ZMAT3: variants seen among roughly 807,000 people sequenced by gnomAD.
ZMAT3 encodes zinc finger matrin-type 3.
In ZMAT3, 17 loss-of-function variants were observed where a neutral mutation model predicts 32.3. The ratio of observed to expected loss-of-function variants is 0.53; its 90% CI spans 0.36 to 0.79. The LOEUF (loss-of-function observed/expected upper bound fraction) is 0.79, where lower values mean the gene tolerates loss of function less well. ZMAT3 is among the 30% of genes least tolerant of loss of function. The pLI, the probability that ZMAT3 is intolerant of heterozygous loss-of-function variation, is 0.00. For missense variants in ZMAT3, 329 were observed against 359.7 expected, an observed-to-expected ratio of 0.91 and a Z score of 0.69; for synonymous variants, 120 against 133.1, an observed-to-expected ratio of 0.90 and a Z score of 0.68.
At chr3:179,070,088 T>C (rs1299859202) in intron 1 of ZMAT3, among the ~76,000 whole-genome samples, 1 of 151,652 alleles carries the variant, frequency 6.6e-6, no homozygotes, top group Non-Finnish European at 1.5e-5. Context: ...GCCACAAACA[T>C]TCTGCTAGTT....
chr3:179,030,784 C>A, intron 3 of ZMAT3, 96 bp downstream of exon 3: 1 of 1,504,218 alleles, frequency 6.6e-7, no homozygotes, highest in Non-Finnish European at 8.9e-7. Flanking sequence ...CAACTGTACC[C>A]TAATGGACAC....
Position 179,019,467 on chromosome 3 carries a change from G to A in ZMAT3, c.*5550C>T, listed in dbSNP as rs150345279. ...TCTGATGGATCGATGGATGAAAAGA[G>A]GGATAGAGAATATGAACAGATACAT... On this transcript the variant is annotated 3_prime_UTR_variant, in exon 6 of 6. Transcript: ENST00000311417. The A allele has an allele frequency of 7.2e-5, 11 of 152,196 alleles. No homozygotes were observed. Among genetic ancestry groups the A allele is most frequent in the African/African-American group, 2.6e-4 (11 of 41,540 alleles). The allele number at this position is 152,196 out of a possible 1,614,324, so 9.4% of individuals were successfully genotyped here. A position where few individuals can be genotyped will look rare whatever the true frequency, so the allele number is the denominator to read the frequency against.
chr3:179,071,158 G>T (rs1721691163), intron 1 of ZMAT3, among the ~76,000 whole-genome samples: 1 of 152,226 alleles, frequency 6.6e-6, no homozygotes. Context: ...GAAAACTGGG[G>T]AAGAGGCCTT....
chr3:179,049,310 T>C (rs4637331), intron 2 of ZMAT3, among the ~76,000 whole-genome samples: 125,032 of 152,216 alleles, frequency 0.82, 51,880 homozygotes, highest in East Asian at 0.94. Context: ...TACGTTACAA[T>C]AAATGCACTT....
chr3:179,032,585 T>C (rs1239403320), intron 2 of ZMAT3, among the ~76,000 whole-genome samples: 6 of 146,700 alleles, frequency 4.1e-5, no homozygotes, highest in Admixed American at 6.8e-5. Flanking sequence ...ACCCATCGTC[T>C]GGGATGTGGG....
At chr3:179,034,962 C>A (rs1030539895) in intron 2 of ZMAT3, among the ~76,000 whole-genome samples, 3 of 152,190 alleles carry the variant, frequency 2.0e-5, no homozygotes, top group African/African-American at 7.2e-5. Context: ...TAACAGTGGT[C>A]ATTTGCAGTA....
chr3:179,033,757 T>C (rs1282428211), intron 2 of ZMAT3, among the ~76,000 whole-genome samples: 3 of 152,222 alleles, frequency 2.0e-5, no homozygotes, highest in African/African-American at 7.2e-5. Context: ...GGATGTTCAT[T>C]GCATTTATTC....
intron 2 of ZMAT3, among the ~76,000 whole-genome samples, chr3:179,045,217 C>A (rs1720165543): frequency 6.6e-6 from 1 of 152,052 alleles, no homozygotes; most frequent in Non-Finnish European, 1.5e-5. Context: ...AGTGCAGTGT[C>A]ATAGAAGTCT....
chr3:179,063,528 G>A (rs995626002), intron 2 of ZMAT3, among the ~76,000 whole-genome samples: 1 of 152,192 alleles, frequency 6.6e-6, no homozygotes, highest in Non-Finnish European at 1.5e-5. Context: ...TGAGTAAGTA[G>A]ATCTTTTTAA....
At chr3:179,049,716 G>A (rs1173034678) in intron 2 of ZMAT3, among the ~76,000 whole-genome samples, 1 of 152,060 alleles carries the variant, frequency 6.6e-6, no homozygotes, top group Non-Finnish European at 1.5e-5. Flanking sequence ...AAAGGGGCTG[G>A]GCATGGTTGC....
At chr3:179,032,746 T>C (rs1719339319) in intron 2 of ZMAT3, among the ~76,000 whole-genome samples, 2 of 146,484 alleles carry the variant, frequency 1.4e-5, no homozygotes, top group Non-Finnish European at 3.0e-5. Context: ...GTCTGAGAAG[T>C]GAGGAGCCCC....
intron 2 of ZMAT3, among the ~76,000 whole-genome samples, chr3:179,033,247 C>G (rs1026745082): frequency 1.3e-5 from 2 of 152,110 alleles, no homozygotes; most frequent in Admixed American, 1.3e-4. Context: ...GGATTAAGGG[C>G]GGTGCAAGAT....
rs1718568329 is a variant in ZMAT3, at chr3:179,021,937, T to C, written c.*3080A>G. On this transcript the variant is annotated 3_prime_UTR_variant, in exon 6 of 6. Transcript: ENST00000311417. ...TAGAGATTTGTGATTTTTTTTCAGA[T>C]GTGCATGTAACTTTTACAAGTGATC... is the stretch of plus-strand genomic sequence containing the variant. The C allele has an allele frequency of 6.6e-6, 1 of 152,204 alleles. No individual in the cohort carries two copies. Among genetic ancestry groups the C allele is most frequent in the African/African-American group, 2.4e-5 (1 of 41,460 alleles). The allele number at this position is 152,204 out of a possible 1,614,324, so 9.4% of individuals were successfully genotyped here. A position where few individuals can be genotyped will look rare whatever the true frequency, so the allele number is the denominator to read the frequency against.
intron 2 of ZMAT3, among the ~76,000 whole-genome samples, chr3:179,037,534 C>T (rs150571043): frequency 3.9e-5 from 6 of 152,212 alleles, no homozygotes; most frequent in East Asian, 3.9e-4. Context: ...GCTGAGTGGG[C>T]GGAGTGAGCT....
At chr3:179,032,577 C>G (rs1449790933) in intron 2 of ZMAT3, among the ~76,000 whole-genome samples, 1 of 151,932 alleles carries the variant, frequency 6.6e-6, no homozygotes, top group Non-Finnish European at 1.5e-5. Flanking sequence ...GCCCGGCCAC[C>G]CATCGTCTGG....
intron 2 of ZMAT3, among the ~76,000 whole-genome samples, chr3:179,033,810 T>C (rs931027636): frequency 6.6e-6 from 1 of 152,232 alleles, no homozygotes; most frequent in East Asian, 1.9e-4. Flanking sequence ...TTTGTTAATA[T>C]TGTCCATTTA....
At chr3:179,040,164 T>C (rs1719838680) in intron 2 of ZMAT3, among the ~76,000 whole-genome samples, 2 of 152,314 alleles carry the variant, frequency 1.3e-5, no homozygotes, top group South Asian at 2.1e-4. Context: ...CTCTTCAGGA[T>C]ATTATCCAGG....
rs539081110 is a variant in ZMAT3, at chr3:179,044,086, A to G, written c.271-13087T>C. ...AGTCAGGAAACAACAAATGCTGGAG[A>G]GGATGTGGAGAAATAGGAACGCTTT... is the stretch of plus-strand genomic sequence containing the variant. On this transcript the variant is annotated intron_variant, in intron 2 of 5. Transcript: ENST00000311417. Among the ~76,000 whole-genome samples the G allele has an allele frequency of 3.5e-4, 53 of 152,336 alleles. 1 individual carries two copies. Among genetic ancestry groups the G allele is most frequent in the Non-Finnish European group, 6.5e-4 (44 of 68,030 alleles).
At chr3:179,039,810 G>C (rs146210558) in intron 2 of ZMAT3, among the ~76,000 whole-genome samples, 1 of 152,162 alleles carries the variant, frequency 6.6e-6, no homozygotes, top group African/African-American at 2.4e-5. Context: ...CGAACCCATC[G>C]CAAGGAAGCT....
Sources: allele counts gnomAD v4.1 joint callset (sites outside exome capture counted in the v4.1 genomes callset), GRCh38; gene constraint gnomAD v4.1.1; transcripts MANE v1.5; gene names NCBI Gene and HGNC (gene_info 2026-07-23, HGNC 2026-07-21).